RNF10: variants seen among roughly 807,000 people sequenced by gnomAD.
The protein encoded by RNF10 is E3 ubiquitin-protein ligase RNF10.
A neutral mutation model predicts 91.4 loss-of-function variants in RNF10; 38 were observed. The observed-to-expected ratio is 0.42, with a 90% CI of 0.32 to 0.54. The LOEUF is 0.54. RNF10 is among the 20% of genes least tolerant of loss of function. The pLI, the probability that RNF10 is intolerant of heterozygous loss-of-function variation, is 0.16. For synonymous variants in RNF10, 364 were observed against 366.3 expected (o/e 0.99, Z 0.07); for missense variants, 945 against 1,012.0 (o/e 0.93, Z 0.90).
rs1873717421 is a variant in RNF10 at position 120,554,825 on chromosome 12, AG to A, written c.645+18del. ...GAACAAGTGGTGAGTAGCTCAGCCA[AG>A]CCCATAAGCTATGAATGGGAGCACT... On this transcript the variant is annotated intron_variant, in intron 4 of 16. Coordinates refer to ENST00000325954, the MANE Select transcript of RNF10 (RefSeq NM_014868.5). The A allele has an allele frequency of 6.3e-7, 1 of 1,596,604 alleles. No individual in the cohort carries two copies.
intron 2 of RNF10, among the ~76,000 whole-genome samples, chr12:120,551,288 G>GTTT (rs1206064894): frequency 1.1e-5 from 1 of 87,442 alleles, no homozygotes; most frequent in Non-Finnish European, 2.3e-5. Context: ...GCCCATCCTA[G>GTTT]TGTTTTTTTT....
At chr12:120,549,948 G>A (rs1872803382) in intron 2 of RNF10, among the ~76,000 whole-genome samples, 2 of 152,166 alleles carry the variant, frequency 1.3e-5, no homozygotes, top group East Asian at 3.8e-4. Flanking sequence ...GGGAAGGAGT[G>A]TATTCCGGTC....
intron 8 of RNF10, 120 bp from the exon 9 acceptor site, chr12:120,563,227 C>A: frequency 6.8e-7 from 1 of 1,468,782 alleles, no homozygotes; most frequent in Non-Finnish European, 9.3e-7. Context: ...GGTGTTAAAT[C>A]AGTGAACACG....
chr12:120,537,355 G>T (rs898336822), intron 1 of RNF10, among the ~76,000 whole-genome samples: 1 of 151,224 alleles, frequency 6.6e-6, no homozygotes, highest in African/African-American at 2.4e-5. Flanking sequence ...GGCCGGGTGC[G>T]GTGGCTCACG....
At chr12:120,551,387 C>G (rs571452281) in intron 2 of RNF10, among the ~76,000 whole-genome samples, 1 of 145,304 alleles carries the variant, frequency 6.9e-6, no homozygotes, top group South Asian at 2.2e-4. Flanking sequence ...CTCTGCCTCT[C>G]GGGTTCAAGC....
chr12:120,544,373 A>AT (rs59563250), intron 1 of RNF10, among the ~76,000 whole-genome samples: 2 of 150,962 alleles, frequency 1.3e-5, no homozygotes, highest in South Asian at 2.1e-4. Context: ...AAAAAAAAAA[A>AT]TTGGCTGGGA....
intron 13 of RNF10, among the ~76,000 whole-genome samples, chr12:120,568,931 A>G (rs1374049433): frequency 6.6e-6 from 1 of 151,622 alleles, no homozygotes; most frequent in East Asian, 1.9e-4. Context: ...CAAGAAAGAT[A>G]CTTTTTGATG....
Position 120,571,277 on chromosome 12 carries a change from C to T in RNF10, c.2128C>T (p.Pro710Ser), listed in dbSNP as rs1403083208. Residue 710 changes from proline to serine, a missense_variant, in exon 14 of 17, where the codon CCT (proline) becomes TCT (serine). Transcript: ENST00000325954. ...GAGTCTGGAAGAAGACTCTCCCTTC[C>T]CTTCCTTTGCCCAGGTAAATCCTTT... is the stretch of plus-strand genomic sequence containing the variant. ...VGSLEEDSPF[P>S]SFAQMLRVGK... 1.2e-6 allele frequency: 2 copies of T among 1,612,790 alleles called. No individual in the cohort carries two copies. Among genetic ancestry groups the T allele is most frequent in the Non-Finnish European group, 1.7e-6 (2 of 1,178,904 alleles).
intron 10 of RNF10, 68 bp downstream of exon 10, chr12:120,564,011 A>C: frequency 6.4e-7 from 1 of 1,572,936 alleles, no homozygotes; most frequent in Non-Finnish European, 8.7e-7. Flanking sequence ...AGGTAGGCCT[A>C]GCCATCCTAA....
intron 13 of RNF10, among the ~76,000 whole-genome samples, chr12:120,567,241 C>T (rs1019412965): frequency 6.6e-6 from 1 of 151,974 alleles, no homozygotes; most frequent in Non-Finnish European, 1.5e-5. Flanking sequence ...CTTTGACCCA[C>T]CTATTTTTGT....
At chr12:120,555,052 TAA>T (rs914021025) in intron 4 of RNF10, among the ~76,000 whole-genome samples, 2 of 152,224 alleles carry the variant, frequency 1.3e-5, no homozygotes, top group African/African-American at 4.8e-5. Context: ...TGGGAAGTAG[TAA>T]CCCCTTACCC....
intron 12 of RNF10, among the ~76,000 whole-genome samples, chr12:120,566,452 A>T (rs1393619763): frequency 6.6e-6 from 1 of 152,108 alleles, no homozygotes; most frequent in Admixed American, 6.6e-5. Flanking sequence ...TGATGTCCTC[A>T]ACTGTTGGAA....
At chr12:120,535,022 G>C (rs1222987099) in intron 1 of RNF10, 54 bp downstream of exon 1, 3 of 1,515,898 alleles carry the variant, frequency 2.0e-6, no homozygotes, top group Non-Finnish European at 2.6e-6. Flanking sequence ...CTGCTGGGGA[G>C]AGTCGTTGCT....
At chr12:120,535,009 C>G in intron 1 of RNF10, 41 bp downstream of exon 1, 6 of 1,543,862 alleles carry the variant, frequency 3.9e-6, no homozygotes, top group Non-Finnish European at 5.2e-6. Context: ...GCGACTGCCC[C>G]TGCTGCTGGG....
chr12:120,553,103 A>G (rs1873398865), intron 3 of RNF10, among the ~76,000 whole-genome samples: 8 of 75,264 alleles, frequency 1.1e-4, no homozygotes, highest in East Asian at 4.4e-4. Context: ...TTTTTTTTTG[A>G]GATGTAGTCT....
At position 120,554,723 on chromosome 12, in the gene RNF10, A is replaced by G. The variant is rs200200679; in HGVS notation, c.560A>G (p.Gln187Arg). The G allele has an allele frequency of 5.1e-5, 83 of 1,612,776 alleles. No individual in the cohort carries two copies. Among genetic ancestry groups the G allele is most frequent in the Non-Finnish European group, 1.0e-5 (12 of 1,179,250 alleles). The change falls in exon 4 of 17, where the codon CAA (glutamine) becomes CGA (arginine). Residue 187 changes from glutamine (Q) to arginine (R), a missense_variant. Transcript: ENST00000325954. ...NKELFLQANC[Q>R]FVVSEDQDYT... ...CCTGTCTTTCCTATTTCTAGCTGCC[A>G]ATTTGTGGTGTCTGAAGACCAAGAC...
chr12:120,548,309 A>G (rs1449796812), intron 2 of RNF10, among the ~76,000 whole-genome samples: 1 of 152,204 alleles, frequency 6.6e-6, no homozygotes, highest in South Asian at 2.1e-4. Flanking sequence ...CTGTGGAACT[A>G]AGTGAGATAG....
Position 120,557,689 on chromosome 12 carries a change from T to G in RNF10, c.967+7T>G. The stretch of plus-strand genomic sequence containing the variant: ...CATCCCATTCATCTAGGAGGTGAGT[T>G]CTTTAAATTTTGGGGACAAATAATC... On this transcript the variant is annotated splice_region_variant and intron_variant, in intron 6 of 16. Transcript: ENST00000325954. 1 of 1,614,102 alleles carries G rather than the reference T, an allele frequency of 6.2e-7. No homozygotes were observed. The highest frequency in any genetic ancestry group is 8.5e-7 in the Non-Finnish European group (1 of 1,179,976).
intron 7 of RNF10, among the ~76,000 whole-genome samples, 167 bp downstream of exon 7, chr12:120,561,053 A>C (rs200199431): frequency 6.6e-6 from 1 of 152,200 alleles, no homozygotes; most frequent in East Asian, 1.9e-4. Flanking sequence ...ATGGCTAAAA[A>C]AGCCAATTTG....
Sources: gnomAD v4.1 joint callset for allele counts (sites outside exome capture counted in the v4.1 genomes callset) on GRCh38, gnomAD v4.1.1 for gene constraint, MANE v1.5 for transcripts, NCBI Gene and HGNC (gene_info 2026-07-23, HGNC 2026-07-21) for gene names.